Variants in XPO5 observed in about 807,000 individuals in gnomAD.
XPO5 encodes exportin-5.
XPO5 carries 46 observed loss-of-function variants against 160.6 expected under a neutral mutation model. The ratio of observed to expected loss-of-function variants is 0.29; its 90% CI spans 0.23 to 0.37. XPO5 has a LOEUF of 0.37. XPO5 is among the 10% of genes least tolerant of loss of function. The pLI is 1.00. For missense variants in XPO5, 1,090 were observed against 1,463.9 expected (o/e 0.74, Z 4.17); for synonymous variants, 537 against 519.3 (o/e 1.03, Z -0.46).
chr6:43,545,007 G>A (rs145918172), intron 20 of XPO5, among the ~76,000 whole-genome samples: 2,787 of 152,114 alleles, frequency 0.018, 101 homozygotes, highest in African/African-American at 0.063. Flanking sequence ...CGAGTAGCTG[G>A]GATTACAGGC....
chr6:43,543,347 G>T (rs1561873319), intron 20 of XPO5, among the ~76,000 whole-genome samples: 1 of 152,096 alleles, frequency 6.6e-6, no homozygotes, highest in Non-Finnish European at 1.5e-5. Context: ...TAGCTACTCA[G>T]GAGGCTGAGG....
intron 2 of XPO5, 51 bp from the exon 3 acceptor site, chr6:43,572,629 T>C: frequency 6.6e-7 from 1 of 1,525,984 alleles, no homozygotes; most frequent in Non-Finnish European, 9.1e-7. Context: ...AAGTCTTGTC[T>C]TTACAAGAGA....
chr6:43,556,222 T>C (rs78529971), intron 12 of XPO5: 22 of 381,928 alleles, frequency 5.8e-5, no homozygotes, highest in Middle Eastern at 7.8e-4. Context: ...CCATTTCTGT[T>C]TGAATTAAAA....
chr6:43,568,845 C>A (rs1256815467), intron 5 of XPO5, 108 bp from the exon 6 acceptor site: 5 of 971,728 alleles, frequency 5.1e-6, no homozygotes, highest in Non-Finnish European at 7.4e-6. Flanking sequence ...TAAATATATG[C>A]AATTTTTCAT....
At chr6:43,553,538 C>T (rs1795360601) in intron 13 of XPO5, 35 bp from the exon 14 acceptor site, 2 of 1,537,452 alleles carry the variant, frequency 1.3e-6, no homozygotes, top group Non-Finnish European at 1.8e-6. Flanking sequence ...CACACACACA[C>T]ACACACACAC....
Position 43,568,361 on chromosome 6 carries a change from A to C in XPO5, c.648+350T>G, listed in dbSNP as rs563636196. On this transcript the variant is annotated intron_variant, in intron 6 of 31. Transcript: ENST00000265351. ...ACAAACGACAGATGCAGTGGCCCAC[A>C]GTCACTTCAGGAGGTCGAGGCTGGA... Among the ~76,000 whole-genome samples the C allele has an allele frequency of 3.3e-5, 5 of 152,180 alleles. No individual in the cohort carries two copies. The East Asian group carries it at 9.7e-4, about 29-fold the overall frequency.
chr6:43,575,670 G>T, intron 1 of XPO5, 90 bp downstream of exon 1: 1 of 1,194,184 alleles, frequency 8.4e-7, no homozygotes. Context: ...CCGCGTGGGC[G>T]GGAGACTACC....
chr6:43,575,478 C>T (rs1763263203), intron 1 of XPO5, among the ~76,000 whole-genome samples: 1 of 152,124 alleles, frequency 6.6e-6, no homozygotes, highest in African/African-American at 2.4e-5. Flanking sequence ...CAAGAGTGCA[C>T]AGAAGCGAGG....
intron 15 of XPO5, chr6:43,551,001 C>T (rs1795201029): frequency 1.5e-5 from 3 of 203,668 alleles, no homozygotes; most frequent in South Asian, 2.8e-4. Flanking sequence ...TAGCATGGTA[C>T]CTGATCCACA....
At chr6:43,546,411 T>G (rs1794966254) in intron 20 of XPO5, among the ~76,000 whole-genome samples, 160 bp downstream of exon 20, 1 of 152,194 alleles carries the variant, frequency 6.6e-6, no homozygotes, top group Non-Finnish European at 1.5e-5. Context: ...AGAGCTGATG[T>G]TATTTTTTTT....
intron 5 of XPO5, among the ~76,000 whole-genome samples, chr6:43,570,222 G>T (rs9472078): frequency 2.8e-5 from 4 of 143,022 alleles, no homozygotes; most frequent in African/African-American, 1.0e-4. Flanking sequence ...TGAGGCAGGA[G>T]AATCGCTTGA....
chr6:43,551,356 G>C lies in XPO5; in HGVS notation c.1670C>G (p.Ser557Cys). ...GTAGGTGACAAATGGAAAGAGTGCA[G>C]AGACATTAGTAAGGACGCAGGACAG... The part of the protein sequence containing the change: ...LILSCVLTNV[S>C]ALFPFVTYRP... Residue 557 changes from serine to cysteine, a missense_variant, in exon 15 of 32, where the codon TCT becomes TGT. This residue lies in a region of XPO5 where 810 missense variants were observed against 1,139.0 expected (regional missense o/e 0.71). Coordinates refer to ENST00000265351, the MANE Select transcript of XPO5 (RefSeq NM_020750.3). 6.2e-7 allele frequency: 1 copy of C among 1,614,006 alleles called. No homozygotes were observed. The highest frequency in any genetic ancestry group is 8.5e-7 in the Non-Finnish European group (1 of 1,179,884).
chr6:43,568,603 C>T (rs1170359897), intron 6 of XPO5, 108 bp downstream of exon 6: 3 of 1,055,790 alleles, frequency 2.8e-6, no homozygotes, highest in Non-Finnish European at 4.0e-6. Flanking sequence ...GACCTGTCTC[C>T]AAAACAATAC....
At chr6:43,528,740 C>A in intron 24 of XPO5, 88 bp downstream of exon 24, 2 of 1,296,730 alleles carry the variant, frequency 1.5e-6, no homozygotes, top group South Asian at 2.5e-5. Context: ...GTAGACAACA[C>A]TTCTAGGAGC....
chr6:43,562,238 C>G lies in XPO5; in HGVS notation c.1011+9G>C. 6.3e-7 allele frequency: 1 copy of G among 1,598,670 alleles called. No individual in the cohort carries two copies. Among genetic ancestry groups the G allele is most frequent in the South Asian group, 1.1e-5 (1 of 87,812 alleles). On this transcript the variant is annotated intron_variant, in intron 9 of 31. Coordinates refer to ENST00000265351, the MANE Select transcript of XPO5 (RefSeq NM_020750.3). ...CTTGAAGCTCTCCAGAAAGCAAACA[C>G]TAGCTCACCAGCAATGCACACAGCT...
At position 43,524,731 on chromosome 6, in the gene XPO5, A is replaced by G. The variant is rs1025043144; in HGVS notation, c.3313-96T>C. On this transcript the variant is annotated intron_variant, in intron 30 of 31. Coordinates refer to ENST00000265351, the MANE Select transcript of XPO5 (RefSeq NM_020750.3). ...CCCATTTCTCAGAGATTGCACCAGC[A>G]ATTTGGCAGGTGCCTGAATTTAGGA... 2.0e-5 allele frequency: 31 copies of G among 1,585,250 alleles called. 1 individual carries two copies. In the Admixed American group the frequency reaches 2.3e-4, roughly 12 times the overall value.
intron 13 of XPO5, among the ~76,000 whole-genome samples, chr6:43,554,218 G>A (rs1203279758): frequency 1.3e-5 from 2 of 151,074 alleles, no homozygotes; most frequent in East Asian, 2.0e-4. Context: ...GCAATTCTCC[G>A]CCTCAGCCTC....
intron 16 of XPO5, 63 bp from the exon 17 acceptor site, chr6:43,549,641 A>C: frequency 6.5e-7 from 1 of 1,540,710 alleles, no homozygotes; most frequent in Non-Finnish European, 8.8e-7. Context: ...TGCTGCATAG[A>C]CTCATGTGAA....
intron 20 of XPO5, among the ~76,000 whole-genome samples, chr6:43,535,980 G>A (rs1322219033): frequency 1.3e-5 from 2 of 150,694 alleles, no homozygotes; most frequent in African/African-American, 4.9e-5. Flanking sequence ...AAAATTAGAC[G>A]AGTATGGCGG....
Sources: allele counts gnomAD v4.1 joint callset (sites outside exome capture counted in the v4.1 genomes callset), GRCh38; gene constraint gnomAD v4.1.1; regional missense constraint gnomAD v4.1.1; transcripts MANE v1.5; gene names NCBI Gene and HGNC (gene_info 2026-07-23, HGNC 2026-07-21).